The following VEPH1 variants were observed in gnomAD, a reference collection of about 807,000 sequenced individuals.
The protein encoded by VEPH1 is ventricular zone-expressed PH domain-containing protein homolog 1.
In VEPH1, 80 loss-of-function variants were observed where a neutral mutation model predicts 85.2. That is an observed-to-expected ratio of 0.94 (90% CI 0.78 to 1.13). VEPH1 has a LOEUF of 1.13. VEPH1 is among the 50% of genes most tolerant of loss of function. The pLI is 0.00. For missense variants in VEPH1, 955 were observed against 980.5 expected, an observed-to-expected ratio of 0.97 and a Z score of 0.35; for synonymous variants, 297 against 348.0, an observed-to-expected ratio of 0.85 and a Z score of 1.63.
intron 2 of VEPH1, among the ~76,000 whole-genome samples, chr3:157,486,643 C>T (rs372024804): frequency 3.9e-5 from 6 of 152,096 alleles, no homozygotes; most frequent in African/African-American, 1.4e-4. Context: ...TCTATAAAAT[C>T]GGAATATTAG....
At chr3:157,309,214 C>T (rs191561699) in intron 11 of VEPH1, among the ~76,000 whole-genome samples, 229 of 152,134 alleles carry the variant, frequency 1.5e-3, no homozygotes, top group Non-Finnish European at 3.0e-3. Flanking sequence ...CATGTTGGCT[C>T]ATGCTTTCAA....
At chr3:157,263,680 GAAGA>G (rs1171488378) in intron 13 of VEPH1, among the ~76,000 whole-genome samples, 1 of 152,138 alleles carries the variant, frequency 6.6e-6, no homozygotes, top group Non-Finnish European at 1.5e-5. Context: ...ACACACAGAT[GAAGA>G]AAGTAGCATG....
intron 9 of VEPH1, among the ~76,000 whole-genome samples, chr3:157,331,002 C>CTAGCAGCA (rs1722437830): frequency 6.6e-6 from 1 of 152,204 alleles, no homozygotes; most frequent in South Asian, 2.1e-4. Flanking sequence ...CTAGTGCTCT[C>CTAGCAGCA]CTATCCGGAG....
chr3:157,457,655 G>A (rs537022832), intron 4 of VEPH1, among the ~76,000 whole-genome samples: 2 of 152,216 alleles, frequency 1.3e-5, no homozygotes, highest in African/African-American at 4.8e-5. Flanking sequence ...TTGTGTTTAT[G>A]TGATGAATCA....
At chr3:157,324,299 C>A (rs1360808130) in intron 9 of VEPH1, among the ~76,000 whole-genome samples, 1 of 152,112 alleles carries the variant, frequency 6.6e-6, no homozygotes, top group African/African-American at 2.4e-5. Flanking sequence ...CTCAGGTGAT[C>A]CGCCCACCTC....
intron 4 of VEPH1, among the ~76,000 whole-genome samples, chr3:157,446,256 C>T (rs540828549): frequency 6.6e-6 from 1 of 151,510 alleles, no homozygotes; most frequent in Non-Finnish European, 1.5e-5. Context: ...TAAGACTGTC[C>T]CATCTTTAGC....
intron 5 of VEPH1, among the ~76,000 whole-genome samples, chr3:157,423,869 T>C (rs1475876160): frequency 6.6e-6 from 1 of 152,250 alleles, no homozygotes; most frequent in East Asian, 1.9e-4. Flanking sequence ...CTTTGAGTAA[T>C]TTGTATGTTG....
At position 157,346,780 on chromosome 3, in the gene VEPH1, T is replaced by A. The variant is rs182971405; in HGVS notation, c.1735+16584A>T. On this transcript the variant is annotated intron_variant, in intron 9 of 13. Transcript: ENST00000362010. ...TGCCACCATGACTAGCTGGATTTTT[T>A]AAAAATTTATTTTTGGTAGAGACAG... Among the ~76,000 whole-genome samples, 292 of 152,122 alleles carry A rather than the reference T, an allele frequency of 1.9e-3. 2 individuals are homozygous for A. The highest frequency in any genetic ancestry group is 0.016 in the Admixed American group (244 of 15,276).
At chr3:157,407,539 G>T (rs1055850522) in intron 6 of VEPH1, among the ~76,000 whole-genome samples, 2 of 152,130 alleles carry the variant, frequency 1.3e-5, no homozygotes, top group Non-Finnish European at 2.9e-5. Flanking sequence ...AAATTGTGTA[G>T]CCAGCTATGC....
At chr3:157,380,797 C>T (rs963414509) in intron 7 of VEPH1, among the ~76,000 whole-genome samples, 1 of 152,210 alleles carries the variant, frequency 6.6e-6, no homozygotes, top group Non-Finnish European at 1.5e-5. Context: ...CTGCTATTAT[C>T]TCTCTATATA....
intron 4 of VEPH1, chr3:157,459,731 G>C (rs1577707761): frequency 7.0e-7 from 1 of 1,421,652 alleles, no homozygotes; most frequent in East Asian, 2.5e-5. Context: ...TCCAAATCAT[G>C]TTCACATTTA....
At chr3:157,389,660 TAGATA>T (rs919000669) in intron 6 of VEPH1, among the ~76,000 whole-genome samples, 2 of 151,490 alleles carry the variant, frequency 1.3e-5, no homozygotes, top group Non-Finnish European at 1.5e-5. Flanking sequence ...GATAGATAGA[TAGATA>T]GATAGATAGA....
At chr3:157,500,243 G>A (rs931306452) in intron 1 of VEPH1, among the ~76,000 whole-genome samples, 3 of 152,216 alleles carry the variant, frequency 2.0e-5, no homozygotes, top group Non-Finnish European at 4.4e-5. Context: ...AGTTAACAGT[G>A]CACTTTAAAA....
chr3:157,286,245 A>T (rs1340118142), intron 12 of VEPH1: 2 of 279,488 alleles, frequency 7.2e-6, no homozygotes, highest in African/African-American at 4.4e-5. Context: ...ATCTTGAGAG[A>T]ACACTTTTTT....
intron 6 of VEPH1, among the ~76,000 whole-genome samples, chr3:157,392,592 T>C (rs1431606317): frequency 2.0e-5 from 3 of 151,106 alleles, no homozygotes; most frequent in Admixed American, 6.6e-5. Flanking sequence ...ACACAAACTA[T>C]GCTAACACTA....
chr3:157,339,408 C>T (rs957730611), intron 9 of VEPH1, among the ~76,000 whole-genome samples: 20 of 152,206 alleles, frequency 1.3e-4, no homozygotes, highest in African/African-American at 4.8e-4. Flanking sequence ...TTTGTTGCTG[C>T]ATGGATTTCT....
At chr3:157,410,581 C>T (rs77118538) in intron 6 of VEPH1, among the ~76,000 whole-genome samples, 1,837 of 152,246 alleles carry the variant, frequency 0.012, 32 homozygotes, top group African/African-American at 0.042. Context: ...ACTCAAATTA[C>T]TCTGTTACTA....
chr3:157,381,754 C>G (rs1304637950), intron 6 of VEPH1: 1 of 198,476 alleles, frequency 5.0e-6, no homozygotes, highest in Non-Finnish European at 1.0e-5. Flanking sequence ...AAGAAAAAAT[C>G]AGAGTCCCAT....
intron 7 of VEPH1, among the ~76,000 whole-genome samples, chr3:157,366,745 CAACAACAACAACAAAAACA>C (rs1559998327): frequency 6.6e-6 from 1 of 151,996 alleles, no homozygotes; most frequent in Non-Finnish European, 1.5e-5. Flanking sequence ...AAAACAACAA[CAACAACAACAACAAAAACA>C]AACAACAACA....
Sources: allele counts gnomAD v4.1 joint callset (sites outside exome capture counted in the v4.1 genomes callset), GRCh38; gene constraint gnomAD v4.1.1; transcripts MANE v1.5; gene names NCBI Gene and HGNC (gene_info 2026-07-23, HGNC 2026-07-21).